The following MYO5B variants were observed in gnomAD, a reference collection of about 807,000 sequenced individuals.
MYO5B encodes myosin VB, also known as unconventional myosin-Vb.
A neutral mutation model predicts 229.3 loss-of-function variants in MYO5B; 143 were observed. The ratio of observed to expected loss-of-function variants is 0.62; its 90% CI spans 0.54 to 0.72. The LOEUF (loss-of-function observed/expected upper bound fraction) is 0.72. MYO5B is among the 30% of genes least tolerant of loss of function. The pLI is 0.00. For synonymous variants in MYO5B, 918 were observed against 885.2 expected (o/e 1.04, Z -0.66); for missense variants, 2,321 against 2,331.0 (o/e 1.00, Z 0.09).
intron 24 of MYO5B, among the ~76,000 whole-genome samples, chr18:49,878,323 T>A (rs756179567): frequency 6.6e-6 from 1 of 151,784 alleles, no homozygotes; most frequent in Non-Finnish European, 1.5e-5. Context: ...ACTGTTCATT[T>A]AAAAATACTT....
chr18:50,103,544 G>A (rs187949082), intron 1 of MYO5B, among the ~76,000 whole-genome samples: 1 of 152,208 alleles, frequency 6.6e-6, no homozygotes, highest in Non-Finnish European at 1.5e-5. Context: ...GAGGCCAGGA[G>A]TTCAAGAGCA....
At chr18:49,916,347 C>T (rs986417680) in intron 17 of MYO5B, among the ~76,000 whole-genome samples, 2 of 152,214 alleles carry the variant, frequency 1.3e-5, no homozygotes, top group African/African-American at 4.8e-5. Context: ...AGAAGCCTGG[C>T]TCTGATGCCG....
At chr18:50,159,696 C>G (rs1264997909) in intron 1 of MYO5B, among the ~76,000 whole-genome samples, 1 of 152,216 alleles carries the variant, frequency 6.6e-6, no homozygotes, top group East Asian at 1.9e-4. Flanking sequence ...TCCCGCACCT[C>G]CAGGCCTCTA....
intron 1 of MYO5B, among the ~76,000 whole-genome samples, chr18:50,095,846 G>A (rs1377932838): frequency 6.6e-6 from 1 of 152,172 alleles, no homozygotes; most frequent in Non-Finnish European, 1.5e-5. Context: ...GCTTCTACAG[G>A]AACCACCTTC....
Position 49,881,823 on chromosome 18 carries a change from G to A in MYO5B, c.3046-1368C>T, listed in dbSNP as rs114169153. Among the ~76,000 whole-genome samples, 908 of 149,042 alleles carry A rather than the reference G, an allele frequency of 6.1e-3. 12 individuals are homozygous for A. The highest frequency in any genetic ancestry group is 0.017 in the African/African-American group (677 of 40,636). On this transcript the variant is annotated intron_variant, in intron 22 of 39. Coordinates refer to ENST00000285039, the MANE Select transcript of MYO5B (RefSeq NM_001080467.3). ...CTCAAAAAAAAAAAAAAAAAAGTGC[G>A]AAGAAAGTTCTTAAAAAATGTTTTT...
chr18:50,094,293 TTAAG>T (rs1365069474), intron 1 of MYO5B, among the ~76,000 whole-genome samples: 7 of 152,322 alleles, frequency 4.6e-5, no homozygotes, highest in East Asian at 3.9e-4. Flanking sequence ...GATACACTGT[TTAAG>T]TAAGCAAAAG....
At chr18:50,006,968 G>A (rs929508659) in intron 4 of MYO5B, among the ~76,000 whole-genome samples, 1 of 152,196 alleles carries the variant, frequency 6.6e-6, no homozygotes, top group Non-Finnish European at 1.5e-5. Flanking sequence ...GCATCTCAGA[G>A]ATGACAAAGC....
chr18:49,906,722 C>G, intron 18 of MYO5B, 92 bp from the exon 19 acceptor site: 1 of 1,158,360 alleles, frequency 8.6e-7, no homozygotes. Flanking sequence ...TGCAGAATCC[C>G]CTGGCCAGAC....
intron 4 of MYO5B, among the ~76,000 whole-genome samples, chr18:50,030,484 T>G (rs2026375477): frequency 6.6e-6 from 1 of 152,184 alleles, no homozygotes; most frequent in Non-Finnish European, 1.5e-5. Flanking sequence ...ATTTCCATAC[T>G]GCTTCCCTGG....
intron 4 of MYO5B, among the ~76,000 whole-genome samples, chr18:50,019,693 A>G (rs1265105901): frequency 6.6e-6 from 1 of 152,192 alleles, no homozygotes; most frequent in Non-Finnish European, 1.5e-5. Context: ...CCATTTTACT[A>G]AAGATTAGAA....
intron 1 of MYO5B, among the ~76,000 whole-genome samples, chr18:50,139,535 C>T (rs1483277924): frequency 1.3e-5 from 2 of 152,172 alleles, no homozygotes; most frequent in South Asian, 2.1e-4. Flanking sequence ...AACCAAGTCA[C>T]AGGCTGGTCA....
At chr18:50,022,261 G>A (rs149649794) in intron 4 of MYO5B, among the ~76,000 whole-genome samples, 17 of 152,310 alleles carry the variant, frequency 1.1e-4, no homozygotes, top group African/African-American at 4.1e-4. Flanking sequence ...CCTTAGGGAA[G>A]ATGTATAACT....
chr18:50,018,618 A>T (rs567591679), intron 4 of MYO5B, among the ~76,000 whole-genome samples: 1 of 152,332 alleles, frequency 6.6e-6, no homozygotes, highest in Non-Finnish European at 1.5e-5. Context: ...AAGTCCTATT[A>T]TCATCCCCAT....
intron 9 of MYO5B, among the ~76,000 whole-genome samples, chr18:49,979,773 C>T (rs527439649): frequency 6.6e-6 from 1 of 152,260 alleles, no homozygotes; most frequent in South Asian, 2.1e-4. Flanking sequence ...GTTAGAATAC[C>T]AGCTTTAGCT....
chr18:49,935,797 G>A (rs575110401), intron 16 of MYO5B, among the ~76,000 whole-genome samples: 6 of 152,300 alleles, frequency 3.9e-5, no homozygotes, highest in African/African-American at 1.4e-4. Context: ...AGCAAATGTG[G>A]ATAATTCTGG....
chr18:49,993,359 G>A (rs536860394), intron 5 of MYO5B, among the ~76,000 whole-genome samples: 27 of 151,662 alleles, frequency 1.8e-4, no homozygotes, highest in Admixed American at 5.9e-4. Context: ...TATTAGTGTC[G>A]CCTGACATCC....
intron 1 of MYO5B, among the ~76,000 whole-genome samples, chr18:50,071,806 A>C (rs1490526431): frequency 6.6e-6 from 1 of 152,238 alleles, no homozygotes; most frequent in Non-Finnish European, 1.5e-5. Flanking sequence ...TGTTTCTCTA[A>C]AACTAAATGG....
chr18:50,073,582 G>A (rs1326637940), intron 1 of MYO5B, among the ~76,000 whole-genome samples: 1 of 152,074 alleles, frequency 6.6e-6, no homozygotes, highest in Non-Finnish European at 1.5e-5. Flanking sequence ...CTGGGATCTT[G>A]TCCAGCCACA....
chr18:49,893,211 G>A (rs2024735753), intron 22 of MYO5B, among the ~76,000 whole-genome samples: 1 of 152,204 alleles, frequency 6.6e-6, no homozygotes, highest in Non-Finnish European at 1.5e-5. Context: ...ACAGAGATAG[G>A]TGAGACCTGA....
Sources: gnomAD v4.1 joint callset for allele counts (sites outside exome capture counted in the v4.1 genomes callset) on GRCh38, gnomAD v4.1.1 for gene constraint, MANE v1.5 for transcripts, NCBI Gene and HGNC (gene_info 2026-07-23, HGNC 2026-07-21) for gene names.